Variants in IL17RD observed in about 807,000 individuals in gnomAD.
The protein encoded by IL17RD is interleukin 17 receptor D, also known as interleukin-17 receptor D.
In IL17RD, 52 loss-of-function variants were observed where a neutral mutation model predicts 80.5. The observed-to-expected ratio is 0.65, with a 90% confidence interval of 0.52 to 0.81. The LOEUF is 0.81. Among genes scored for constraint, IL17RD ranks in the 40% least tolerant of loss-of-function variants. The pLI is 0.00. For synonymous variants in IL17RD, 416 were observed against 391.8 expected (o/e 1.06, Z -0.73); for missense variants, 1,024 against 955.1 (o/e 1.07, Z -0.95).
At position 57,094,764 on chromosome 3, in the gene IL17RD, C is replaced by T. The variant is rs2107456742; in HGVS notation, c.*1629G>A. Reference sequence around the variant, plus strand: ...GCACTCATTCCAGATTCCATAGGAACAACATAAAATGACTCTTCTCTGAGT... The same window carrying T: ...GCACTCATTCCAGATTCCATAGGAATAACATAAAATGACTCTTCTCTGAGT... On this transcript the variant is annotated 3_prime_UTR_variant, in exon 13 of 13. Transcript: ENST00000296318. 1 of 152,322 alleles carries T rather than the reference C, an allele frequency of 6.6e-6. No homozygotes were observed. 9.4% of individuals were successfully genotyped at this position (152,322 alleles called of 1,614,324 possible).
Position 57,097,603 on chromosome 3 carries a change from T to C in IL17RD, c.2100A>G (p.Ser700=), listed in dbSNP as rs777394597. 2 of 1,572,574 alleles carry C rather than the reference T, an allele frequency of 1.3e-6. No individual in the cohort carries two copies. The highest frequency in any genetic ancestry group is 2.7e-5 in the African/African-American group (2 of 74,060). The change falls in exon 12 of 13, where the codon TCA becomes TCG. Residue 700 remains serine (S), a synonymous_variant. Coordinates refer to ENST00000296318, the MANE Select transcript of IL17RD (RefSeq NM_017563.5). ...GCCCCAAAGGCACCTTACCCAGGCC[T>C]GAAGAGGAGGACACGCTCTCCGTCA... is the stretch of plus-strand genomic sequence containing the variant. ...SSLTESVSSS[S]GLGEEEPPAL...
Position 57,110,177 on chromosome 3 carries a change from C to G in IL17RD, c.429+16G>C. 6.3e-7 allele frequency: 1 copy of G among 1,574,850 alleles called. No homozygotes were observed. Among genetic ancestry groups the G allele is most frequent in the Non-Finnish European group, 8.6e-7 (1 of 1,158,646 alleles). On this transcript the variant is annotated intron_variant, in intron 4 of 12. Coordinates refer to ENST00000296318, the MANE Select transcript of IL17RD (RefSeq NM_017563.5). ...AATGGCATGTCTTCAGGAGCACGTT[C>G]CCCAGTGTGACTTACAGTTCTTTTG...
rs759251478 is a variant in IL17RD, at chr3:57,105,938, C to T, written c.666G>A (p.Pro222=). ...SDMQVSFDHA[P]HNFGFRFFYL... is the part of the protein sequence containing the mutation. ...AGAAGAAACGGAAGCCGAAGTTGTG[C>T]GGTGCATGGTCGAAGGACACCTGCA... Residue 222 remains proline (P), a synonymous_variant, in exon 7 of 13, where the codon CCG becomes CCA. Transcript: ENST00000296318. 25 of 1,613,706 alleles carry T rather than the reference C, an allele frequency of 1.5e-5. No homozygotes were observed. The highest frequency in any genetic ancestry group is 4.0e-5 in the African/African-American group (3 of 74,888).
chr3:57,101,401 C>G (rs770305608), intron 10 of IL17RD, 38 bp from the exon 11 acceptor site: 3 of 1,354,556 alleles, frequency 2.2e-6, no homozygotes, highest in Non-Finnish European at 3.1e-6. Context: ...TACTTGCAAG[C>G]AACGCTTTGT....
intron 1 of IL17RD, among the ~76,000 whole-genome samples, chr3:57,154,371 T>C (rs1367541505): frequency 6.6e-6 from 1 of 151,784 alleles, no homozygotes; most frequent in Non-Finnish European, 1.5e-5. Context: ...TCCAGCAATT[T>C]ACCATTCTCA....
intron 1 of IL17RD, among the ~76,000 whole-genome samples, chr3:57,154,283 T>TATATACACACACAC (rs904157398): frequency 1.5e-4 from 17 of 112,908 alleles, no homozygotes; most frequent in African/African-American, 5.1e-4. Flanking sequence ...TATATATATA[T>TATATACACACACAC]ACACACACAC....
At chr3:57,123,120 G>A (rs1303589181) in intron 1 of IL17RD, among the ~76,000 whole-genome samples, 1 of 152,198 alleles carries the variant, frequency 6.6e-6, no homozygotes, top group Non-Finnish European at 1.5e-5. Context: ...GTGTGGAACT[G>A]TTCAGAGGGG....
At chr3:57,155,002 C>G (rs1034415776) in intron 1 of IL17RD, among the ~76,000 whole-genome samples, 1 of 152,056 alleles carries the variant, frequency 6.6e-6, no homozygotes, top group Admixed American at 6.6e-5. Flanking sequence ...GTTCCTCCCA[C>G]GGGGAGGCAA....
At chr3:57,113,762 C>T (rs966560810) in intron 3 of IL17RD, among the ~76,000 whole-genome samples, 4 of 152,008 alleles carry the variant, frequency 2.6e-5, no homozygotes, top group Non-Finnish European at 5.9e-5. Flanking sequence ...AGGCTAGTCT[C>T]GAACTCCTGG....
chr3:57,132,857 T>A (rs547132333), intron 1 of IL17RD, among the ~76,000 whole-genome samples: 99 of 152,322 alleles, frequency 6.5e-4, no homozygotes, highest in African/African-American at 2.4e-3. Context: ...ATACTCATAG[T>A]GTCCACTAGA....
chr3:57,119,923 C>A (rs1285866760), intron 2 of IL17RD, among the ~76,000 whole-genome samples: 2 of 152,334 alleles, frequency 1.3e-5, no homozygotes, highest in East Asian at 3.9e-4. Flanking sequence ...CATTCCCTAG[C>A]ACCCTGCACT....
At chr3:57,166,782 T>C (rs1486770600), upstream of IL17RD, among the ~76,000 whole-genome samples, 3 of 152,056 alleles carry the variant, frequency 2.0e-5, no homozygotes, top group Admixed American at 6.6e-5. Context: ...ACCTTGGAAA[T>C]TGTCACCTCC....
intron 1 of IL17RD, among the ~76,000 whole-genome samples, chr3:57,157,720 G>A (rs945625959): frequency 5.3e-5 from 8 of 152,200 alleles, no homozygotes; most frequent in African/African-American, 1.9e-4. Context: ...TGGGAGAGAA[G>A]AAACCAGAAA....
chr3:57,134,324 C>T, intron 1 of IL17RD: 1 of 687,868 alleles, frequency 1.5e-6, no homozygotes, highest in South Asian at 1.4e-5. Context: ...GGGCTTGATG[C>T]CGGGAAAACA....
chr3:57,125,263 C>G (rs1707434704), intron 1 of IL17RD, among the ~76,000 whole-genome samples: 1 of 152,082 alleles, frequency 6.6e-6, no homozygotes, highest in Non-Finnish European at 1.5e-5. Context: ...GAAAATTAGC[C>G]AGGCGTGGTG....
intron 7 of IL17RD, 141 bp from the exon 8 acceptor site, chr3:57,104,548 A>G (rs1706909319): frequency 3.2e-6 from 2 of 632,306 alleles, no homozygotes; most frequent in Non-Finnish European, 5.6e-6. Context: ...TCGAAAAGCA[A>G]CTGTGTTTAT....
intron 5 of IL17RD, among the ~76,000 whole-genome samples, chr3:57,108,509 CTTTTTTTTTTTTT>C (rs34594516): frequency 2.0e-5 from 1 of 49,154 alleles, no homozygotes; most frequent in Non-Finnish European, 3.2e-5. Context: ...TGATACATGG[CTTTTTTTTTTTTT>C]TTTTTTTTTT....
chr3:57,163,802 A>AGG (rs1559489790), intron 1 of IL17RD, among the ~76,000 whole-genome samples: 15 of 7,376 alleles, frequency 2.0e-3, no homozygotes, highest in African/African-American at 3.8e-3. Context: ...GCGGGGGGGG[A>AGG]AGGGGGTGGC....
intron 9 of IL17RD, 46 bp from the exon 10 acceptor site, chr3:57,102,635 G>A (rs749264853): frequency 1.1e-5 from 11 of 1,006,326 alleles, no homozygotes; most frequent in Non-Finnish European, 1.6e-5. Context: ...GCAGTGTAAA[G>A]GTTCAAAGAG....
Sources: allele counts gnomAD v4.1 joint callset (sites outside exome capture counted in the v4.1 genomes callset), GRCh38; gene constraint gnomAD v4.1.1; transcripts MANE v1.5; gene names NCBI Gene and HGNC (gene_info 2026-07-23, HGNC 2026-07-21).